The following CGNL1 variants were observed in gnomAD, a reference collection of about 807,000 sequenced individuals.
CGNL1 encodes cingulin-like protein 1.
CGNL1 carries 132 observed loss-of-function variants against 141.2 expected under a neutral mutation model. The observed-to-expected ratio is 0.93, with a 90% CI of 0.81 to 1.08. The LOEUF (loss-of-function observed/expected upper bound fraction) is 1.08, where lower values mean the gene tolerates loss of function less well. Ranked by LOEUF, CGNL1 falls within the 50% of genes least tolerant of loss-of-function variation. The pLI, the probability that CGNL1 is intolerant of heterozygous loss-of-function variation, is 0.00. For synonymous variants in CGNL1, 690 were observed against 622.1 expected (o/e 1.11, Z -1.63); for missense variants, 1,870 against 1,588.6 (o/e 1.18, Z -3.01).
At chr15:57,497,882 C>A (rs986867655) in intron 8 of CGNL1, among the ~76,000 whole-genome samples, 1 of 152,240 alleles carries the variant, frequency 6.6e-6, no homozygotes, top group Non-Finnish European at 1.5e-5. Context: ...TTAGTGGGCA[C>A]TTCCATTTTC....
chr15:57,545,963 C>T, intron 17 of CGNL1, 113 bp from the exon 18 acceptor site: 1 of 1,186,332 alleles, frequency 8.4e-7, no homozygotes, highest in Non-Finnish European at 1.2e-6. Flanking sequence ...AGACTGGCTG[C>T]CCCATTGCCC....
At chr15:57,524,541 G>T in intron 11 of CGNL1, 40 bp from the exon 12 acceptor site, 1 of 1,563,992 alleles carries the variant, frequency 6.4e-7, no homozygotes, top group Non-Finnish European at 8.7e-7. Flanking sequence ...TGGTCTCAGA[G>T]CATCCCAGGG....
At chr15:57,469,228 G>C (rs1056824691) in intron 8 of CGNL1, among the ~76,000 whole-genome samples, 1 of 151,738 alleles carries the variant, frequency 6.6e-6, no homozygotes, top group African/African-American at 2.4e-5. Context: ...GAAGAAGAGA[G>C]ACAGCTGACC....
Position 57,528,817 on chromosome 15 carries a change from T to A in CGNL1, c.3201+2T>A. ...AGCAGGCTGGTCAAGCAGATGGAGG[T>A]CTGTGGGCCGTACAGTGTGAGCTGG... On this transcript the variant is annotated splice_donor_variant, in intron 13 of 18. Transcript: ENST00000281282. LOFTEE classifies it high-confidence loss of function. 1.2e-6 allele frequency: 2 copies of A among 1,613,028 alleles called. No homozygotes were observed. Among genetic ancestry groups the A allele is most frequent in the Non-Finnish European group, 1.7e-6 (2 of 1,179,744 alleles).
At chr15:57,431,641 C>T (rs1402194765) in intron 1 of CGNL1, among the ~76,000 whole-genome samples, 10 of 152,232 alleles carry the variant, frequency 6.6e-5, no homozygotes, top group Admixed American at 2.0e-4. Context: ...GTCCAACCTG[C>T]GGCCCGTGGG....
chr15:57,532,055 T>C (rs2031982255), intron 14 of CGNL1, among the ~76,000 whole-genome samples: 1 of 152,224 alleles, frequency 6.6e-6, no homozygotes, highest in Non-Finnish European at 1.5e-5. Flanking sequence ...TTCATCTTTT[T>C]CATTAAGAAA....
intron 8 of CGNL1, among the ~76,000 whole-genome samples, chr15:57,484,717 C>A (rs373105583): frequency 1.3e-5 from 2 of 151,992 alleles, no homozygotes; most frequent in Admixed American, 6.6e-5. Context: ...CCTCCCCTTA[C>A]CCCCCAATCC....
At position 57,438,973 on chromosome 15, in the gene CGNL1, A is replaced by C; in HGVS notation, c.974A>C (p.Asn325Thr). ...DDQECAIHAD[N>T]VNRHENRRYI... Reference sequence around the variant, plus strand: ...CAGGAATGTGCCATCCATGCCGACAACGTCAATCGTCATGAAAACAGAAGG... The same window carrying C: ...CAGGAATGTGCCATCCATGCCGACACCGTCAATCGTCATGAAAACAGAAGG... Residue 325 changes from asparagine (N) to threonine (T), a missense_variant, in exon 2 of 19, where the codon AAC becomes ACC. Asn to Thr is a moderately conservative substitution (Grantham distance 65). Transcript: ENST00000281282. The C allele has an allele frequency of 6.2e-7, 1 of 1,614,232 alleles. No individual in the cohort carries two copies. Among genetic ancestry groups the C allele is most frequent in the Non-Finnish European group, 8.5e-7 (1 of 1,180,044 alleles).
chr15:57,439,107 G>T lies in CGNL1; in HGVS notation c.1108G>T (p.Gly370Ter), dbSNP rs1455988951. The change falls in exon 2 of 19, where the codon GGA (glycine) becomes TGA (stop). Residue 370 changes from glycine (G) to a stop codon, truncating the protein, a stop_gained. Transcript: ENST00000281282. LOFTEE classifies it high-confidence loss of function. ...TCAAAAACCTGGGCTTCAGAGAAGA[G>T]GAAGGTCTGGGAAGCGAAACAGAAT... ...FDQKPGLQRR[G>*]RSGKRNRINT... is the part of the protein sequence containing the mutation. 6.2e-7 allele frequency: 1 copy of T among 1,614,094 alleles called. No individual in the cohort carries two copies. Among genetic ancestry groups the T allele is most frequent in the African/African-American group, 1.3e-5 (1 of 74,936 alleles).
At chr15:57,392,759 A>C (rs977491181) in intron 1 of CGNL1, among the ~76,000 whole-genome samples, 1 of 152,220 alleles carries the variant, frequency 6.6e-6, no homozygotes, top group Middle Eastern at 3.2e-3. Context: ...TCTCATGTTA[A>C]CTGTGTTAAT....
At chr15:57,417,875 T>G (rs1254961353) in intron 1 of CGNL1, among the ~76,000 whole-genome samples, 3 of 152,172 alleles carry the variant, frequency 2.0e-5, no homozygotes, top group Admixed American at 1.3e-4. Context: ...AGGTGTTTCC[T>G]GGGTATTTGA....
intron 1 of CGNL1, among the ~76,000 whole-genome samples, chr15:57,381,894 G>C (rs2062429229): frequency 6.6e-6 from 1 of 152,200 alleles, no homozygotes; most frequent in Non-Finnish European, 1.5e-5. Flanking sequence ...TTTATGGACT[G>C]CTGCTTTTCT....
intron 1 of CGNL1, among the ~76,000 whole-genome samples, chr15:57,426,012 G>T (rs972853759): frequency 1.3e-5 from 2 of 152,032 alleles, no homozygotes; most frequent in Non-Finnish European, 2.9e-5. Flanking sequence ...GCTTAGGAAG[G>T]TATGTAGGCA....
rs979224570 is a variant in CGNL1 at position 57,402,876 on chromosome 15, G to T, written c.-16+26309G>T. Among the ~76,000 whole-genome samples, 5 of 152,296 alleles carry T rather than the reference G, an allele frequency of 3.3e-5. No individual in the cohort carries two copies. In the South Asian group the frequency reaches 1.0e-3, roughly 32 times the overall value. On this transcript the variant is annotated intron_variant, in intron 1 of 18. Transcript: ENST00000281282. ...CCAGGAAGGTATTTCCCAGCCCTCA[G>T]TGCAGGGCTTTAGGGCTACAGGCTT...
chr15:57,488,474 A>C (rs1343997789), intron 8 of CGNL1, among the ~76,000 whole-genome samples: 2 of 152,206 alleles, frequency 1.3e-5, no homozygotes, highest in Non-Finnish European at 2.9e-5. Flanking sequence ...ATCCAAGGTC[A>C]TGAAGACCTT....
chr15:57,379,732 G>A (rs755726558), intron 1 of CGNL1, among the ~76,000 whole-genome samples: 6 of 151,968 alleles, frequency 3.9e-5, no homozygotes, highest in Non-Finnish European at 8.8e-5. Context: ...AATTTTCTCT[G>A]AATGACCAAG....
chr15:57,535,684 T>C (rs2032220132), intron 14 of CGNL1, among the ~76,000 whole-genome samples: 1 of 152,220 alleles, frequency 6.6e-6, no homozygotes, highest in African/African-American at 2.4e-5. Flanking sequence ...ACTGAGGGTG[T>C]TGAATGGCTC....
At chr15:57,463,403 T>C (rs2063470324) in intron 8 of CGNL1, among the ~76,000 whole-genome samples, 1 of 152,246 alleles carries the variant, frequency 6.6e-6, no homozygotes, top group African/African-American at 2.4e-5. Context: ...TATTAACTCA[T>C]AGTATTTTCA....
intron 1 of CGNL1, among the ~76,000 whole-genome samples, chr15:57,402,892 C>T (rs563642312): frequency 1.3e-5 from 2 of 152,146 alleles, no homozygotes; most frequent in Admixed American, 6.5e-5. Flanking sequence ...GGCTTTAGGG[C>T]TACAGGCTTG....
Sources: gnomAD v4.1 joint callset for allele counts (sites outside exome capture counted in the v4.1 genomes callset) on GRCh38, gnomAD v4.1.1 for gene constraint, MANE v1.5 for transcripts, NCBI Gene and HGNC (gene_info 2026-07-23, HGNC 2026-07-21) for gene names.